SGCD: variants seen among roughly 807,000 people sequenced by gnomAD.
The protein encoded by SGCD is sarcoglycan delta.
A neutral mutation model predicts 36.6 loss-of-function variants in SGCD; 18 were observed. The observed-to-expected ratio is 0.49, with a 90% CI of 0.34 to 0.73. The LOEUF is 0.73. Ranked by LOEUF, SGCD falls within the 30% of genes least tolerant of loss-of-function variation. The probability of loss-of-function intolerance (pLI) is 0.01; values close to 1 mark genes in which losing one functional copy is unlikely to be tolerated. For missense variants in SGCD, 387 were observed against 346.7 expected, an observed-to-expected ratio of 1.12 and a Z score of -0.92; for synonymous variants, 133 against 130.6, an observed-to-expected ratio of 1.02 and a Z score of -0.12.
chr5:156,125,834 A>C (rs943689330), intron 3 of SGCD, among the ~76,000 whole-genome samples: 1 of 139,312 alleles, frequency 7.2e-6, no homozygotes, highest in Non-Finnish European at 1.5e-5. Flanking sequence ...CTTCCCACTC[A>C]TTCTTTTATT....
upstream of SGCD, among the ~76,000 whole-genome samples, chr5:156,326,569 C>T (rs763959871): frequency 2.6e-5 from 4 of 152,178 alleles, no homozygotes; most frequent in Non-Finnish European, 4.4e-5. Flanking sequence ...ATTGCTCCCC[C>T]TCAAGCAATT....
the SGCD span, among the ~76,000 whole-genome samples, chr5:155,825,950 A>G: frequency 4.4e-4 from 67 of 152,188 alleles, no homozygotes; most frequent in Middle Eastern, 0.014. Context: ...GGGTTTCACC[A>G]TGTTGGCCAG....
chr5:155,912,911 A>G (rs1055920137), intron 1 of SGCD, among the ~76,000 whole-genome samples: 24 of 151,786 alleles, frequency 1.6e-4, no homozygotes, highest in African/African-American at 5.6e-4. Context: ...CTCTCCTTTC[A>G]TTCTTGGCAT....
chr5:156,556,168 T>C (rs1032793993), intron 4 of SGCD, among the ~76,000 whole-genome samples: 2 of 150,578 alleles, frequency 1.3e-5, no homozygotes, highest in Non-Finnish European at 3.0e-5. Flanking sequence ...AGAGTCAGTC[T>C]TTATGAACTC....
chr5:156,234,663 C>A (rs1367418223), intron 3 of SGCD, among the ~76,000 whole-genome samples: 2 of 152,076 alleles, frequency 1.3e-5, no homozygotes, highest in Non-Finnish European at 2.9e-5. Flanking sequence ...AGGGAGTGAC[C>A]CATACATGGA....
chr5:156,512,191 CAAAAA>C (rs759345867), intron 4 of SGCD, among the ~76,000 whole-genome samples: 1 of 66,894 alleles, frequency 1.5e-5, no homozygotes. Context: ...GACTCTGTCT[CAAAAA>C]AAAAAAAAAA....
At chr5:156,117,718 T>C (rs1220619896) in intron 1 of SGCD, among the ~76,000 whole-genome samples, 2 of 152,126 alleles carry the variant, frequency 1.3e-5, no homozygotes, top group Non-Finnish European at 2.9e-5. Flanking sequence ...AGGACACAAC[T>C]TGGGGGTGGC....
At chr5:156,082,756 A>C (rs1760990903) in intron 1 of SGCD, among the ~76,000 whole-genome samples, 1 of 152,244 alleles carries the variant, frequency 6.6e-6, no homozygotes, top group Non-Finnish European at 1.5e-5. Flanking sequence ...TCAGGATCGC[A>C]TAAATTGGAT....
At chr5:156,289,538 A>G (rs761223278) in intron 3 of SGCD, among the ~76,000 whole-genome samples, 12 of 151,800 alleles carry the variant, frequency 7.9e-5, no homozygotes, top group African/African-American at 1.2e-4. Context: ...GTTCCCACTT[A>G]TAAGTGAGAA....
chr5:156,336,255 T>C (rs1382988125), intron 2 of SGCD, among the ~76,000 whole-genome samples: 2 of 152,230 alleles, frequency 1.3e-5, no homozygotes, highest in African/African-American at 4.8e-5. Flanking sequence ...GATATCCTCA[T>C]GCTTTACTCT....
chr5:156,534,759 A>G (rs994628528), intron 4 of SGCD, among the ~76,000 whole-genome samples: 1 of 152,212 alleles, frequency 6.6e-6, no homozygotes, highest in Non-Finnish European at 1.5e-5. Flanking sequence ...CAGTCTCTCT[A>G]TCCGTAATAT....
intron 1 of SGCD, among the ~76,000 whole-genome samples, chr5:156,073,493 G>T (rs149068179): frequency 3.3e-5 from 5 of 152,320 alleles, no homozygotes; most frequent in African/African-American, 1.2e-4. Context: ...AGCCCAGGAG[G>T]TGGAGGCTGC....
intron 3 of SGCD, among the ~76,000 whole-genome samples, chr5:156,146,149 C>G (rs1481640757): frequency 6.6e-6 from 1 of 152,030 alleles, no homozygotes; most frequent in Non-Finnish European, 1.5e-5. Flanking sequence ...GGAGGTGGAG[C>G]TTGCAGTGAG....
chr5:155,953,494 C>G (rs1484960986), intron 1 of SGCD, among the ~76,000 whole-genome samples: 1 of 152,136 alleles, frequency 6.6e-6, no homozygotes, highest in African/African-American at 2.4e-5. Context: ...GGCAGATAAG[C>G]CGTTCATTCA....
At chr5:156,516,812 C>T (rs985395294) in intron 4 of SGCD, among the ~76,000 whole-genome samples, 9 of 152,206 alleles carry the variant, frequency 5.9e-5, no homozygotes, top group South Asian at 2.1e-4. Context: ...TCCTGGCCAA[C>T]GTGATGAAAC....
intron 1 of SGCD, among the ~76,000 whole-genome samples, chr5:156,101,725 G>A (rs1359102475): frequency 6.6e-6 from 1 of 152,124 alleles, no homozygotes; most frequent in Non-Finnish European, 1.5e-5. Flanking sequence ...GCTTCTGGCT[G>A]TAACTCAAAC....
Position 156,504,694 on chromosome 5 carries a change from A to G in SGCD, c.193-3907A>G, listed in dbSNP as rs570270960. On this transcript the variant is annotated intron_variant, in intron 3 of 8. Transcript: ENST00000337851. ...ACATTTACACAGTTATTTCCTTACG[A>G]TGAAATCCAAGAAGTAACATAATAA... Among the ~76,000 whole-genome samples, 18 of 152,298 alleles carry G rather than the reference A, an allele frequency of 1.2e-4. No individual in the cohort carries two copies. In the South Asian group the frequency reaches 3.5e-3, roughly 30 times the overall value.
At chr5:156,312,938 C>T (rs1767425249) in intron 3 of SGCD, among the ~76,000 whole-genome samples, 2 of 152,070 alleles carry the variant, frequency 1.3e-5, no homozygotes, top group Non-Finnish European at 2.9e-5. Context: ...TTTTAACTAA[C>T]TTTGAGCTTA....
intron 2 of SGCD, chr5:156,123,792 A>C (rs1428026558): frequency 6.6e-6 from 1 of 152,150 alleles, no homozygotes; most frequent in African/African-American, 2.4e-5. Context: ...CCTTTAATTT[A>C]ATATCACTCT....
Sources: allele counts gnomAD v4.1 joint callset (sites outside exome capture counted in the v4.1 genomes callset), GRCh38; gene constraint gnomAD v4.1.1; transcripts MANE v1.5; gene names NCBI Gene and HGNC (gene_info 2026-07-23, HGNC 2026-07-21).